KCNH7: variants seen among roughly 807,000 people sequenced by gnomAD.
KCNH7 encodes the protein potassium voltage-gated channel subfamily H member 7.
In KCNH7, 49 loss-of-function variants were observed where a neutral mutation model predicts 120.8. The observed-to-expected ratio is 0.41, with a 90% confidence interval of 0.32 to 0.51. The LOEUF (loss-of-function observed/expected upper bound fraction) is 0.51. Among genes scored for constraint, KCNH7 ranks in the 20% least tolerant of loss-of-function variants. The pLI is 0.38. For synonymous variants in KCNH7, 547 were observed against 516.1 expected, an observed-to-expected ratio of 1.06 and a Z score of -0.81; for missense variants, 1,097 against 1,446.6, an observed-to-expected ratio of 0.76 and a Z score of 3.92.
chr2:162,742,045 G>A (rs1442329849), intron 2 of KCNH7, among the ~76,000 whole-genome samples: 3 of 152,132 alleles, frequency 2.0e-5, no homozygotes, highest in Non-Finnish European at 4.4e-5. Flanking sequence ...ATGTCTTTAA[G>A]AGCAGGAGAT....
intron 12 of KCNH7, among the ~76,000 whole-genome samples, chr2:162,391,204 A>C (rs1156288508): frequency 1.3e-5 from 2 of 152,020 alleles, no homozygotes; most frequent in African/African-American, 4.8e-5. Context: ...TACAAAAATG[A>C]ATGCATTTCA....
chr2:162,381,332 C>A (rs1322633442), intron 13 of KCNH7, among the ~76,000 whole-genome samples: 4 of 152,022 alleles, frequency 2.6e-5, no homozygotes, highest in Non-Finnish European at 5.9e-5. Context: ...CTGAATTGGG[C>A]AGGATTAGCT....
intron 2 of KCNH7, among the ~76,000 whole-genome samples, chr2:162,594,774 T>C (rs1694321587): frequency 6.6e-6 from 1 of 151,996 alleles, no homozygotes; most frequent in East Asian, 1.9e-4. Context: ...TAAAGTATAC[T>C]GGAGGATATA....
At chr2:162,640,236 T>C (rs1476883415) in intron 2 of KCNH7, among the ~76,000 whole-genome samples, 1 of 152,138 alleles carries the variant, frequency 6.6e-6, no homozygotes, top group Non-Finnish European at 1.5e-5. Context: ...GGAAGTAGAA[T>C]AGTTTTAGAG....
chr2:162,741,272 T>C (rs1401956346), intron 2 of KCNH7, among the ~76,000 whole-genome samples: 2 of 149,546 alleles, frequency 1.3e-5, no homozygotes, highest in South Asian at 2.1e-4. Flanking sequence ...ATTAATAACA[T>C]ATGTTATTAG....
At chr2:162,506,745 C>T (rs963953666) in intron 5 of KCNH7, among the ~76,000 whole-genome samples, 12 of 151,788 alleles carry the variant, frequency 7.9e-5, no homozygotes, top group African/African-American at 2.9e-4. Context: ...CAGAAAGACA[C>T]TGTTAATCTA....
At chr2:162,419,234 A>G (rs1039488934) in intron 9 of KCNH7, among the ~76,000 whole-genome samples, 2 of 136,710 alleles carry the variant, frequency 1.5e-5, no homozygotes, top group African/African-American at 5.6e-5. Flanking sequence ...ACTACTTTCT[A>G]TGTCTGTCTC....
chr2:162,762,118 CTT>C (rs986447320), intron 2 of KCNH7, among the ~76,000 whole-genome samples: 14 of 152,052 alleles, frequency 9.2e-5, no homozygotes, highest in African/African-American at 3.1e-4. Context: ...TTCTTTAGAT[CTT>C]ATCTTTCTCT....
intron 6 of KCNH7, among the ~76,000 whole-genome samples, chr2:162,500,824 G>T (rs913987574): frequency 6.6e-6 from 1 of 152,002 alleles, no homozygotes; most frequent in African/African-American, 2.4e-5. Flanking sequence ...CTCCATGCAG[G>T]CCTAAAGAAA....
intron 6 of KCNH7, among the ~76,000 whole-genome samples, chr2:162,453,025 G>A (rs1688825333): frequency 6.6e-6 from 1 of 151,888 alleles, no homozygotes. Context: ...ATGTACCATG[G>A]TGGTTTGCTG....
intron 2 of KCNH7, among the ~76,000 whole-genome samples, chr2:162,543,564 T>TGTAAGAGTTACAAACATG: frequency 2.0e-5 from 3 of 152,148 alleles, no homozygotes; most frequent in Non-Finnish European, 4.4e-5. Context: ...TATTTTCAAT[T>TGTAAGAGTTACAAACATG]ACTTCTTATT....
chr2:162,697,375 A>AT (rs1472461185), intron 2 of KCNH7, among the ~76,000 whole-genome samples: 1 of 152,166 alleles, frequency 6.6e-6, no homozygotes, highest in Admixed American at 6.6e-5. Flanking sequence ...CCAATCAACT[A>AT]TAAGAAAAAT....
At chr2:162,698,697 C>T (rs1355393899) in intron 2 of KCNH7, among the ~76,000 whole-genome samples, 2 of 152,008 alleles carry the variant, frequency 1.3e-5, no homozygotes, top group South Asian at 4.1e-4. Flanking sequence ...CTTCAGTTCT[C>T]CTCAATGAGC....
intron 2 of KCNH7, among the ~76,000 whole-genome samples, chr2:162,669,763 G>T (rs745836824): frequency 6.6e-6 from 1 of 152,058 alleles, no homozygotes; most frequent in Admixed American, 6.6e-5. Context: ...GAATTGTCTC[G>T]TCCCAAATGT....
intron 2 of KCNH7, among the ~76,000 whole-genome samples, chr2:162,669,025 C>T (rs761176689): frequency 6.6e-6 from 1 of 151,818 alleles, no homozygotes; most frequent in Non-Finnish European, 1.5e-5. Context: ...GAAAAGGCAG[C>T]CTTGATGGTC....
At chr2:162,505,058 T>G (rs1368357755) in intron 5 of KCNH7, among the ~76,000 whole-genome samples, 1 of 152,028 alleles carries the variant, frequency 6.6e-6, no homozygotes, top group East Asian at 1.9e-4. Flanking sequence ...ATATTGGCCA[T>G]GAAATTTCCA....
At chr2:162,783,745 G>C (rs1352062164) in intron 2 of KCNH7, among the ~76,000 whole-genome samples, 5 of 152,074 alleles carry the variant, frequency 3.3e-5, no homozygotes, top group Non-Finnish European at 7.4e-5. Flanking sequence ...GTATCCTCTA[G>C]AGACAACATC....
At chr2:162,686,818 T>C (rs543456561) in intron 2 of KCNH7, among the ~76,000 whole-genome samples, 1 of 152,274 alleles carries the variant, frequency 6.6e-6, no homozygotes, top group South Asian at 2.1e-4. Flanking sequence ...GTCATCAGTC[T>C]GCCAGGCATG....
rs115461846 is a variant in KCNH7 at position 162,602,912 on chromosome 2, G to T, written c.308-65832C>A. Among the ~76,000 whole-genome samples, 683 of 150,288 alleles carry T rather than the reference G, an allele frequency of 4.5e-3. 7 individuals carry two copies. Among genetic ancestry groups the T allele is most frequent in the African/African-American group, 0.016 (655 of 41,188 alleles). Reference sequence around the variant, plus strand: ...AAAAATGTGAGGAGGAGGAGGAGGAGGAGGGTGAGGAGGAGGAGGAGGTTG... The same window carrying T: ...AAAAATGTGAGGAGGAGGAGGAGGATGAGGGTGAGGAGGAGGAGGAGGTTG... On this transcript the variant is annotated intron_variant, in intron 2 of 15. Coordinates refer to ENST00000332142, the MANE Select transcript of KCNH7 (RefSeq NM_033272.4).
Sources: allele counts gnomAD v4.1 joint callset (sites outside exome capture counted in the v4.1 genomes callset), GRCh38; gene constraint gnomAD v4.1.1; transcripts MANE v1.5; gene names NCBI Gene and HGNC (gene_info 2026-07-23, HGNC 2026-07-21).